Variants in ARHGEF3 observed in about 807,000 individuals in gnomAD.
ARHGEF3 encodes the protein 59.8 kDA protein.
A neutral mutation model predicts 63.2 loss-of-function variants in ARHGEF3; 28 were observed. The ratio of observed to expected loss-of-function variants is 0.44; its 90% CI spans 0.33 to 0.61. The LOEUF (loss-of-function observed/expected upper bound fraction) is 0.61, where lower values mean the gene tolerates loss of function less well. Among genes scored for constraint, ARHGEF3 ranks in the 20% least tolerant of loss-of-function variants. The pLI, the probability that ARHGEF3 is intolerant of heterozygous loss-of-function variation, is 0.03. For synonymous variants in ARHGEF3, 266 were observed against 254.2 expected (o/e 1.05, Z -0.44); for missense variants, 533 against 659.3 (o/e 0.81, Z 2.10).
At chr3:56,893,461 G>A (rs2041189904) in intron 3 of ARHGEF3, among the ~76,000 whole-genome samples, 1 of 150,974 alleles carries the variant, frequency 6.6e-6, no homozygotes, top group African/African-American at 2.4e-5. Context: ...TTACAGGCAT[G>A]AGCCACCACG....
intron 3 of ARHGEF3, among the ~76,000 whole-genome samples, chr3:56,930,110 C>T (rs2042372440): frequency 6.6e-6 from 1 of 152,126 alleles, no homozygotes; most frequent in African/African-American, 2.4e-5. Context: ...CACAGTTGCA[C>T]CTTCCCAATC....
At position 57,074,241 on chromosome 3, in the gene ARHGEF3, A is replaced by C. The variant is rs1560180893; in HGVS notation, c.-28+4985T>G. On this transcript the variant is annotated intron_variant, in intron 1 of 12. Transcript: ENST00000338458. ...CAGGTCCCTCTCTACAGTATACTCC[A>C]ACACACACATACACACACATCTGTA... 6.2e-7 allele frequency: 1 copy of C among 1,613,644 alleles called. No homozygotes were observed. The highest frequency in any genetic ancestry group is 8.5e-7 in the Non-Finnish European group (1 of 1,179,894).
intron 2 of ARHGEF3, among the ~76,000 whole-genome samples, chr3:56,764,727 G>A (rs1391492810): frequency 2.0e-5 from 3 of 151,416 alleles, no homozygotes; most frequent in African/African-American, 7.3e-5. Context: ...AATAAAAAAT[G>A]ACAAGCTTTA....
At chr3:57,005,268 A>G (rs751033515) in intron 2 of ARHGEF3, among the ~76,000 whole-genome samples, 9 of 152,180 alleles carry the variant, frequency 5.9e-5, no homozygotes, top group Non-Finnish European at 1.2e-4. Context: ...TTACCATAAT[A>G]CTACATCCTA....
intron 2 of ARHGEF3, among the ~76,000 whole-genome samples, chr3:57,001,192 A>G (rs1276206697): frequency 6.6e-6 from 1 of 152,210 alleles, no homozygotes; most frequent in African/African-American, 2.4e-5. Flanking sequence ...CACCTGCTTC[A>G]GCCTTTCAAA....
intron 4 of ARHGEF3, among the ~76,000 whole-genome samples, chr3:56,815,128 A>G (rs2038221542): frequency 6.6e-6 from 1 of 151,642 alleles, no homozygotes; most frequent in Admixed American, 6.6e-5. Context: ...TGGGCAACAG[A>G]GCGAGACCCC....
Position 57,034,656 on chromosome 3 carries a change from C to CT in ARHGEF3, c.62+431dup, listed in dbSNP as rs34696155. ...TGTGAAATTTTGCTAACTCCAAATT[C>CT]TTTTTTTTTTTTTTTTTTTTGACAA... is the stretch of plus-strand genomic sequence containing the variant. On this transcript the variant is annotated intron_variant, in intron 2 of 12. Coordinates refer to the ARHGEF3 transcript ENST00000338458. Among the ~76,000 whole-genome samples, 776 of 109,506 alleles carry CT rather than the reference C, an allele frequency of 7.1e-3. 15 individuals are homozygous for CT. Among genetic ancestry groups the CT allele is most frequent in the African/African-American group, 0.011 (300 of 27,588 alleles). The allele number at this position is 109,506 out of a possible 152,430, so 71.8% of individuals were successfully genotyped here. A position where few individuals can be genotyped will look rare whatever the true frequency, so the allele number is the denominator to read the frequency against.
At chr3:56,930,417 G>C (rs2042380460) in intron 3 of ARHGEF3, among the ~76,000 whole-genome samples, 1 of 152,124 alleles carries the variant, frequency 6.6e-6, no homozygotes, top group African/African-American at 2.4e-5. Flanking sequence ...AATAAAACCA[G>C]CGTCAAGCAT....
intron 4 of ARHGEF3, among the ~76,000 whole-genome samples, chr3:56,832,882 T>G (rs1459004004): frequency 6.6e-6 from 1 of 152,254 alleles, no homozygotes; most frequent in Non-Finnish European, 1.5e-5. Flanking sequence ...AAATAACATA[T>G]GACCTTTTGT....
chr3:56,968,771 C>T (rs895675970), intron 2 of ARHGEF3, among the ~76,000 whole-genome samples: 11 of 151,436 alleles, frequency 7.3e-5, no homozygotes, highest in African/African-American at 2.7e-4. Context: ...TTTTTCATAC[C>T]AAGCCTTCAA....
At chr3:56,737,870 A>G (rs1219042259) in intron 7 of ARHGEF3, among the ~76,000 whole-genome samples, 2 of 152,070 alleles carry the variant, frequency 1.3e-5, no homozygotes, top group Admixed American at 1.3e-4. Flanking sequence ...AATGGTTTGA[A>G]TATCTTTTTT....
At chr3:56,738,648 G>A (rs1012393943) in intron 7 of ARHGEF3, among the ~76,000 whole-genome samples, 9 of 152,190 alleles carry the variant, frequency 5.9e-5, no homozygotes, top group Non-Finnish European at 1.5e-5. Context: ...GGTGGTGGAT[G>A]CAGTGTTGTC....
At chr3:56,805,789 GC>G (rs1412511239), upstream of ARHGEF3, among the ~76,000 whole-genome samples, 1 of 152,132 alleles carries the variant, frequency 6.6e-6, no homozygotes, top group Admixed American at 6.5e-5. Context: ...ATTACTAATG[GC>G]CTGTAACAAT....
At chr3:57,069,648 C>CT (rs11336340) in intron 1 of ARHGEF3, among the ~76,000 whole-genome samples, 5 of 151,404 alleles carry the variant, frequency 3.3e-5, no homozygotes, top group Admixed American at 1.3e-4. Context: ...GTAAACTAAG[C>CT]TTTTTTTTTT....
At chr3:56,744,840 T>C (rs2034278498) in intron 7 of ARHGEF3, among the ~76,000 whole-genome samples, 1 of 151,950 alleles carries the variant, frequency 6.6e-6, no homozygotes, top group African/African-American at 2.4e-5. Context: ...GTTTTGGGGC[T>C]AGGCTAAAAG....
rs144029711 is a variant in ARHGEF3, at chr3:56,896,585, T to C, written c.130-14231A>G. 2.8e-3 allele frequency among the ~76,000 whole-genome samples: 432 copies of C among 152,348 alleles called. 2 individuals are homozygous for C. Among genetic ancestry groups the C allele is most frequent in the African/African-American group, 9.7e-3 (403 of 41,584 alleles). On this transcript the variant is annotated intron_variant, in intron 3 of 12. Coordinates refer to the ARHGEF3 transcript ENST00000338458. ...TGCATTGATTGCATTTACTGTCACG[T>C]GTTCTTGAGTCTCCTTGAATCTGGA...
At chr3:56,809,934 T>A (rs1342960154) in intron 4 of ARHGEF3, among the ~76,000 whole-genome samples, 1 of 152,098 alleles carries the variant, frequency 6.6e-6, no homozygotes, top group Non-Finnish European at 1.5e-5. Context: ...GGTTTCACCA[T>A]GTGGGTCAGG....
chr3:57,056,246 G>A (rs1462188845), intron 1 of ARHGEF3, among the ~76,000 whole-genome samples: 14 of 152,028 alleles, frequency 9.2e-5, no homozygotes, highest in Admixed American at 8.5e-4. Flanking sequence ...AATTAGCCAG[G>A]TGTGACAGCA....
At chr3:57,039,366 A>G (rs986486329) in intron 1 of ARHGEF3, among the ~76,000 whole-genome samples, 1 of 152,166 alleles carries the variant, frequency 6.6e-6, no homozygotes, top group Non-Finnish European at 1.5e-5. Flanking sequence ...TGGGAACATA[A>G]ATTGGTCCCA....
Sources: allele counts gnomAD v4.1 joint callset (sites outside exome capture counted in the v4.1 genomes callset), GRCh38; gene constraint gnomAD v4.1.1; transcripts MANE v1.5; gene names NCBI Gene and HGNC (gene_info 2026-07-23, HGNC 2026-07-21).